CPNE4: variants seen among roughly 807,000 people sequenced by gnomAD.
The protein encoded by CPNE4 is copine 4, also known as copine-4.
In CPNE4, 25 loss-of-function variants were observed where a neutral mutation model predicts 67.9. The ratio of observed to expected loss-of-function variants is 0.37; its 90% CI spans 0.27 to 0.51. The LOEUF is 0.51. CPNE4 is among the 20% of genes least tolerant of loss of function. The probability of loss-of-function intolerance (pLI) is 0.93; values close to 1 mark genes in which losing one functional copy is unlikely to be tolerated. For missense variants in CPNE4, 464 were observed against 690.8 expected (o/e 0.67, Z 3.68); for synonymous variants, 242 against 244.9 (o/e 0.99, Z 0.11).
chr3:131,939,499 T>G (rs973644776), intron 1 of CPNE4, among the ~76,000 whole-genome samples: 2 of 149,166 alleles, frequency 1.3e-5, no homozygotes, highest in Non-Finnish European at 3.0e-5. Context: ...TTCCGGGAAG[T>G]TGGAAGAGCT....
At chr3:131,833,146 C>T (rs1308256890) in intron 2 of CPNE4, among the ~76,000 whole-genome samples, 1 of 152,130 alleles carries the variant, frequency 6.6e-6, no homozygotes, top group Non-Finnish European at 1.5e-5. Flanking sequence ...CTGCTGACAC[C>T]TTGACCTTAG....
chr3:131,913,718 G>A (rs964629609), intron 1 of CPNE4, among the ~76,000 whole-genome samples: 5 of 152,076 alleles, frequency 3.3e-5, no homozygotes, highest in African/African-American at 4.8e-5. Context: ...CTCCTTGGTC[G>A]AATTCTTTCT....
intron 8 of CPNE4, 99 bp from the exon 9 acceptor site, chr3:131,581,764 A>C (rs1419645161): frequency 3.7e-6 from 3 of 808,752 alleles, no homozygotes; most frequent in Non-Finnish European, 6.5e-6. Flanking sequence ...ACTGAACTGG[A>C]GGGCTGACAA....
At chr3:131,858,310 T>G (rs554264606) in intron 2 of CPNE4, among the ~76,000 whole-genome samples, 1 of 152,244 alleles carries the variant, frequency 6.6e-6, no homozygotes, top group African/African-American at 2.4e-5. Context: ...TTGAGTTGGT[T>G]TTCTCCTTTT....
intron 2 of CPNE4, among the ~76,000 whole-genome samples, chr3:131,812,017 A>G (rs1195394960): frequency 6.6e-6 from 1 of 152,130 alleles, no homozygotes; most frequent in Admixed American, 6.5e-5. Flanking sequence ...CCGTCCATGA[A>G]GGAGGGCTTG....
chr3:131,625,616 G>A (rs1173896003), intron 7 of CPNE4, among the ~76,000 whole-genome samples: 1 of 152,284 alleles, frequency 6.6e-6, no homozygotes, highest in Non-Finnish European at 1.5e-5. Context: ...GTACAGTAGT[G>A]CCCATTTATC....
intron 1 of CPNE4, among the ~76,000 whole-genome samples, chr3:131,970,270 A>C (rs1157425261): frequency 6.6e-6 from 1 of 152,222 alleles, no homozygotes; most frequent in African/African-American, 2.4e-5. Context: ...ACCCCCACAC[A>C]GATACCAACC....
At chr3:131,982,741 T>A (rs2072939052) in intron 1 of CPNE4, among the ~76,000 whole-genome samples, 1 of 152,180 alleles carries the variant, frequency 6.6e-6, no homozygotes, top group South Asian at 2.1e-4. Flanking sequence ...GAAATATATT[T>A]CACTTTAATT....
chr3:131,541,531 G>A (rs1391564583), intron 15 of CPNE4, among the ~76,000 whole-genome samples: 2 of 151,344 alleles, frequency 1.3e-5, no homozygotes, highest in African/African-American at 2.4e-5. Flanking sequence ...AAAACTGATA[G>A]CAGGCGATTT....
intron 2 of CPNE4, among the ~76,000 whole-genome samples, chr3:131,727,228 G>C (rs922470374): frequency 6.6e-6 from 1 of 152,148 alleles, no homozygotes; most frequent in African/African-American, 2.4e-5. Flanking sequence ...AAAGGAAAAA[G>C]GCAGCTAGAT....
intron 11 of CPNE4, among the ~76,000 whole-genome samples, chr3:131,557,339 A>C (rs1936514893): frequency 6.6e-6 from 1 of 152,094 alleles, no homozygotes; most frequent in South Asian, 2.1e-4. Flanking sequence ...TCACTGTCCT[A>C]AACATCTATA....
At chr3:131,681,786 C>T (rs888252075) in intron 6 of CPNE4, among the ~76,000 whole-genome samples, 2 of 151,958 alleles carry the variant, frequency 1.3e-5, no homozygotes, top group African/African-American at 4.8e-5. Context: ...AGGCTATTTT[C>T]CTGATCTTGT....
intron 2 of CPNE4, among the ~76,000 whole-genome samples, chr3:131,759,507 C>T (rs1383231250): frequency 6.6e-6 from 1 of 152,132 alleles, no homozygotes; most frequent in Non-Finnish European, 1.5e-5. Context: ...ATGGTAGCAT[C>T]AACTGTCCTT....
intron 9 of CPNE4, among the ~76,000 whole-genome samples, chr3:131,580,641 G>C (rs546374956): frequency 1.3e-5 from 2 of 152,210 alleles, no homozygotes; most frequent in East Asian, 3.9e-4. Context: ...TCAATTGAAA[G>C]TAGACATCTC....
chr3:132,005,170 C>T (rs1351048376), intron 1 of CPNE4, among the ~76,000 whole-genome samples: 3 of 151,690 alleles, frequency 2.0e-5, no homozygotes, highest in African/African-American at 7.3e-5. Flanking sequence ...AAGGCAGTCT[C>T]TTGAACCACT....
intron 2 of CPNE4, among the ~76,000 whole-genome samples, chr3:131,863,807 T>G (rs1438949206): frequency 2.0e-5 from 3 of 152,252 alleles, no homozygotes; most frequent in African/African-American, 4.8e-5. Flanking sequence ...TGGTATTGCC[T>G]AAGTTTTCTT....
At chr3:131,955,409 G>GGTTTTTT (rs2071918716) in intron 1 of CPNE4, among the ~76,000 whole-genome samples, 2 of 53,640 alleles carry the variant, frequency 3.7e-5, no homozygotes, top group Non-Finnish European at 7.8e-5. Flanking sequence ...TTGTATGTAA[G>GGTTTTTT]GTTTTTTTTT....
intron 7 of CPNE4, among the ~76,000 whole-genome samples, chr3:131,640,564 T>C (rs1244592471): frequency 6.6e-6 from 1 of 152,066 alleles, no homozygotes; most frequent in Non-Finnish European, 1.5e-5. Context: ...AAGGGTAGAA[T>C]CAATATTGTG....
At position 132,017,133 on chromosome 3, in the gene CPNE4, C is replaced by T. The variant is rs143053621; in HGVS notation, c.-2+17434G>A. On this transcript the variant is annotated intron_variant, in intron 1 of 15. Transcript: ENST00000429747. The stretch of plus-strand genomic sequence containing the variant: ...TTGTGAAGGAAAAGTAATCAAAATT[C>T]CACACAAGCTAATAAGAAACAGTAC... Among the ~76,000 whole-genome samples the T allele has an allele frequency of 9.7e-3, 1,482 of 152,172 alleles. 22 individuals are homozygous for T. Among genetic ancestry groups the T allele is most frequent in the African/African-American group, 0.034 (1,416 of 41,478 alleles).
Sources: allele counts gnomAD v4.1 joint callset (sites outside exome capture counted in the v4.1 genomes callset), GRCh38; gene constraint gnomAD v4.1.1; transcripts MANE v1.5; gene names NCBI Gene and HGNC (gene_info 2026-07-23, HGNC 2026-07-21).